FAT3: variants seen among roughly 807,000 people sequenced by gnomAD.
FAT3 encodes the protein protocadherin Fat 3.
In FAT3, 95 loss-of-function variants were observed where a neutral mutation model predicts 310.2. That is an observed-to-expected ratio of 0.31 (90% CI 0.26 to 0.36). The LOEUF (loss-of-function observed/expected upper bound fraction) is 0.36. FAT3 is among the 10% of genes least tolerant of loss of function. FAT3 has a pLI of 1.00. For synonymous variants in FAT3, 2,314 were observed against 2,192.9 expected (o/e 1.06, Z -1.54); for missense variants, 5,408 against 5,715.6 (o/e 0.95, Z 1.74).
rs1007651884 is a variant in FAT3 at position 92,571,967 on chromosome 11, A to G, written c.3607+47019A>G. Among the ~76,000 whole-genome samples, 4 of 152,350 alleles carry G rather than the reference A, an allele frequency of 2.6e-5. No individual in the cohort carries two copies. In the East Asian group the frequency reaches 7.7e-4, roughly 29 times the overall value. Reference sequence around the variant, plus strand: ...ATTTCACTGTCCCATATTTGGGGATAGAAAGAGAGCTTGAAGCCTCACCCT... The same window carrying G: ...ATTTCACTGTCCCATATTTGGGGATGGAAAGAGAGCTTGAAGCCTCACCCT... On this transcript the variant is annotated intron_variant, in intron 3 of 27. Transcript: ENST00000525166.
Position 92,614,453 on chromosome 11 carries a change from A to G in FAT3, c.3608-82931A>G, listed in dbSNP as rs146595421. 7.2e-4 allele frequency among the ~76,000 whole-genome samples: 109 copies of G among 152,190 alleles called. 1 individual carries two copies. In the East Asian group the frequency reaches 0.013, roughly 18 times the overall value. ...GATTCTAGCCATCCTACTATGTTCAATGTGTTCTTATTTTGGTTTTGATTT... is the reference window on the plus strand; with the variant it reads ...GATTCTAGCCATCCTACTATGTTCAGTGTGTTCTTATTTTGGTTTTGATTT... On this transcript the variant is annotated intron_variant, in intron 3 of 27. Transcript: ENST00000525166.
At chr11:92,824,301 G>C (rs1948047845) in intron 13 of FAT3, among the ~76,000 whole-genome samples, 1 of 152,068 alleles carries the variant, frequency 6.6e-6, no homozygotes. Flanking sequence ...AGGTTTCAGT[G>C]AGCTGAGATC....
intron 21 of FAT3, among the ~76,000 whole-genome samples, chr11:92,864,403 T>C (rs953140111): frequency 6.6e-6 from 1 of 152,198 alleles, no homozygotes; most frequent in Non-Finnish European, 1.5e-5. Flanking sequence ...ATTACTTACA[T>C]TAAAATACAA....
chr11:92,841,925 C>A (rs546624701), intron 18 of FAT3, among the ~76,000 whole-genome samples: 21 of 152,158 alleles, frequency 1.4e-4, no homozygotes, highest in Non-Finnish European at 2.5e-4. Context: ...CAACTCTTCA[C>A]CCCTCCCATA....
At chr11:92,724,678 G>A (rs1028645158) in intron 4 of FAT3, among the ~76,000 whole-genome samples, 1 of 152,180 alleles carries the variant, frequency 6.6e-6, no homozygotes, top group African/African-American at 2.4e-5. Context: ...CAGTATTCAT[G>A]TGTATTAAAT....
chr11:92,424,793 G>A (rs1950596605), intron 2 of FAT3, among the ~76,000 whole-genome samples: 1 of 152,066 alleles, frequency 6.6e-6, no homozygotes, highest in Non-Finnish European at 1.5e-5. Flanking sequence ...AGGATTACTT[G>A]CTGATTATAG....
At position 92,799,547 on chromosome 11, in the gene FAT3, T is replaced by A; in HGVS notation, c.6534T>A (p.Ile2178=). The A allele has an allele frequency of 6.2e-7, 1 of 1,613,796 alleles. No individual in the cohort carries two copies. Among genetic ancestry groups the A allele is most frequent in the South Asian group, 1.1e-5 (1 of 91,044 alleles). ...CATCTGTGGAGCTTCCCATCACTAT[T>A]GTCAACAAAGCAATGCCTGTGTTTG... ...LSTSVELPIT[I]VNKAMPVFDK... is the part of the protein sequence containing the mutation. The change falls in exon 10 of 28, where the codon ATT becomes ATA. Residue 2178 remains isoleucine (I), a synonymous_variant. Transcript: ENST00000525166.
intron 4 of FAT3, among the ~76,000 whole-genome samples, chr11:92,726,247 A>G (rs1944994880): frequency 6.6e-6 from 1 of 152,196 alleles, no homozygotes; most frequent in Non-Finnish European, 1.5e-5. Context: ...TTCTATATTT[A>G]TAGAAGCATT....
At chr11:92,415,032 A>T (rs1028765958) in intron 2 of FAT3, among the ~76,000 whole-genome samples, 2 of 152,102 alleles carry the variant, frequency 1.3e-5, no homozygotes, top group Non-Finnish European at 2.9e-5. Context: ...AATTCTGAAG[A>T]ATACACTTAC....
chr11:92,859,760 G>A (rs3847548), intron 21 of FAT3, among the ~76,000 whole-genome samples: 130,366 of 152,178 alleles, frequency 0.86, 56,290 homozygotes, highest in African/African-American at 0.95. Context: ...AGGAGATTTC[G>A]TATGTCCTAT....
At chr11:92,315,512 T>TATATAGAG (rs1353970811) in intron 1 of FAT3, among the ~76,000 whole-genome samples, 31 of 56,160 alleles carry the variant, frequency 5.5e-4, no homozygotes, top group East Asian at 1.3e-3. Context: ...TATATATATA[T>TATATAGAG]AGAGAGAGAG....
At chr11:92,302,340 G>A (rs904180768) in intron 1 of FAT3, among the ~76,000 whole-genome samples, 3 of 152,080 alleles carry the variant, frequency 2.0e-5, no homozygotes, top group South Asian at 2.1e-4. Flanking sequence ...GCTACATAAT[G>A]AGCTAGACTA....
intron 1 of FAT3, among the ~76,000 whole-genome samples, chr11:92,345,333 T>C (rs76997125): frequency 0.03 from 4,539 of 152,278 alleles, 205 homozygotes; most frequent in African/African-American, 0.09. Context: ...TATGGTCCAA[T>C]GTATACTTTA....
intron 1 of FAT3, among the ~76,000 whole-genome samples, chr11:92,238,523 A>C (rs1321359383): frequency 6.6e-6 from 1 of 152,010 alleles, no homozygotes; most frequent in Admixed American, 6.6e-5. Context: ...GTTTTTGCTT[A>C]GATTGCATGC....
At chr11:92,398,492 C>T (rs1226361386) in intron 2 of FAT3, among the ~76,000 whole-genome samples, 1 of 130,772 alleles carries the variant, frequency 7.6e-6, no homozygotes, top group Non-Finnish European at 1.6e-5. Flanking sequence ...AAGAGTGTAA[C>T]TCCGTCCCAA....
At chr11:92,783,097 C>T (rs533417227) in intron 7 of FAT3, among the ~76,000 whole-genome samples, 1 of 152,090 alleles carries the variant, frequency 6.6e-6, no homozygotes, top group African/African-American at 2.4e-5. Flanking sequence ...CAATGGCTCA[C>T]GCCTGTAATC....
At chr11:92,517,345 T>A (rs1953520581) in intron 2 of FAT3, among the ~76,000 whole-genome samples, 1 of 152,138 alleles carries the variant, frequency 6.6e-6, no homozygotes, top group South Asian at 2.1e-4. Context: ...AACCATCTGA[T>A]CTTTGATAAA....
At chr11:92,686,931 GT>G (rs1943650603) in intron 3 of FAT3, among the ~76,000 whole-genome samples, 1 of 152,142 alleles carries the variant, frequency 6.6e-6, no homozygotes, top group African/African-American at 2.4e-5. Context: ...TGCAGTGGCT[GT>G]TTTCACACCT....
At chr11:92,678,818 C>T (rs144963853) in intron 3 of FAT3, among the ~76,000 whole-genome samples, 2 of 152,178 alleles carry the variant, frequency 1.3e-5, no homozygotes, top group Non-Finnish European at 2.9e-5. Context: ...TAAATTTGCA[C>T]AAATTTATGT....
Sources: allele counts gnomAD v4.1 joint callset (sites outside exome capture counted in the v4.1 genomes callset), GRCh38; gene constraint gnomAD v4.1.1; transcripts MANE v1.5; gene names NCBI Gene and HGNC (gene_info 2026-07-23, HGNC 2026-07-21).